STX8: variants seen among roughly 807,000 people sequenced by gnomAD.
STX8 encodes syntaxin 8.
STX8 carries 23 observed loss-of-function variants against 37.5 expected under a neutral mutation model. The ratio of observed to expected loss-of-function variants is 0.61; its 90% confidence interval spans 0.44 to 0.87. STX8 has a LOEUF of 0.87. Ranked by LOEUF, STX8 falls within the 40% of genes least tolerant of loss-of-function variation. The pLI is 0.00. For missense variants in STX8, 313 were observed against 284.7 expected, an observed-to-expected ratio of 1.10 and a Z score of -0.71; for synonymous variants, 115 against 99.1, an observed-to-expected ratio of 1.16 and a Z score of -0.95.
chr17:9,513,086 AAGAC>A (rs562259587), intron 4 of STX8, among the ~76,000 whole-genome samples: 96 of 152,300 alleles, frequency 6.3e-4, no homozygotes, highest in African/African-American at 2.2e-3. Flanking sequence ...ATAGAGTGAA[AAGAC>A]AATCTATAGG....
chr17:9,399,158 C>T lies in STX8; in HGVS notation c.542-20505G>A, dbSNP rs144472451. 3.9e-5 allele frequency among the ~76,000 whole-genome samples: 6 copies of T among 152,054 alleles called. No individual in the cohort carries two copies. In the South Asian group the frequency reaches 8.3e-4, roughly 21 times the overall value. On this transcript the variant is annotated intron_variant, in intron 6 of 7. Coordinates refer to ENST00000306357, the MANE Select transcript of STX8 (RefSeq NM_004853.3). Reference sequence around the variant, plus strand: ...GGTGCAGCAATAGATTCAGGCATGTCGCCAACTGATTTTTCCACTATATAT... The same window carrying T: ...GGTGCAGCAATAGATTCAGGCATGTTGCCAACTGATTTTTCCACTATATAT...
At chr17:9,317,636 G>C (rs914921670) in intron 7 of STX8, among the ~76,000 whole-genome samples, 1 of 152,054 alleles carries the variant, frequency 6.6e-6, no homozygotes, top group Admixed American at 6.6e-5. Flanking sequence ...CATGGTGGCA[G>C]GCACCTGTAG....
intron 2 of STX8, among the ~76,000 whole-genome samples, chr17:9,567,167 A>C (rs1907493988): frequency 1.3e-5 from 2 of 152,196 alleles, no homozygotes; most frequent in African/African-American, 4.8e-5. Flanking sequence ...GGAAGCTGGA[A>C]GGAGGAAGAG....
At chr17:9,487,136 C>A (rs1019827310) in intron 6 of STX8, among the ~76,000 whole-genome samples, 2 of 152,140 alleles carry the variant, frequency 1.3e-5, no homozygotes, top group African/African-American at 4.8e-5. Context: ...CTTTTTAATT[C>A]TCTATGAGGA....
At chr17:9,314,752 C>G (rs1299861561) in intron 7 of STX8, among the ~76,000 whole-genome samples, 1 of 151,398 alleles carries the variant, frequency 6.6e-6, no homozygotes, top group African/African-American at 2.4e-5. Flanking sequence ...TATCCTAAGC[C>G]CCCCAGCCGA....
chr17:9,521,669 G>A (rs1263312544), intron 4 of STX8, among the ~76,000 whole-genome samples: 1 of 152,146 alleles, frequency 6.6e-6, no homozygotes, highest in Non-Finnish European at 1.5e-5. Context: ...AAGTGAACAA[G>A]AGAGACATAA....
intron 7 of STX8, among the ~76,000 whole-genome samples, chr17:9,290,809 G>A (rs1908286182): frequency 6.6e-6 from 1 of 152,184 alleles, no homozygotes; most frequent in Admixed American, 6.5e-5. Flanking sequence ...AAAGGGGAAA[G>A]GCACACATTG....
chr17:9,362,838 A>AAAAAAAAAT (rs1911106863), intron 7 of STX8, among the ~76,000 whole-genome samples: 1 of 146,416 alleles, frequency 6.8e-6, no homozygotes, highest in African/African-American at 2.5e-5. Context: ...CAAAAAAAAA[A>AAAAAAAAAT]AAAAATAAAT....
chr17:9,352,667 T>A (rs1159147023), intron 7 of STX8, among the ~76,000 whole-genome samples: 1 of 151,324 alleles, frequency 6.6e-6, no homozygotes, highest in South Asian at 2.1e-4. Context: ...GCCCGGCTAA[T>A]TTTTTTGTAT....
At chr17:9,347,352 T>C (rs953181027) in intron 7 of STX8, among the ~76,000 whole-genome samples, 1 of 152,162 alleles carries the variant, frequency 6.6e-6, no homozygotes, top group East Asian at 1.9e-4. Context: ...TTATGAAAAG[T>C]AGTACTTGTT....
chr17:9,525,792 C>T (rs1326943584), intron 4 of STX8, among the ~76,000 whole-genome samples: 2 of 152,168 alleles, frequency 1.3e-5, no homozygotes, highest in Non-Finnish European at 2.9e-5. Context: ...CTCTGTACTC[C>T]CTTCTGCTAA....
chr17:9,299,352 C>A (rs1196707770), intron 7 of STX8, among the ~76,000 whole-genome samples: 1 of 151,692 alleles, frequency 6.6e-6, no homozygotes, highest in Non-Finnish European at 1.5e-5. Context: ...ATTTCCCAAG[C>A]AAACCGAGGA....
intron 7 of STX8, among the ~76,000 whole-genome samples, chr17:9,372,023 G>A (rs1037765646): frequency 6.6e-6 from 1 of 152,050 alleles, no homozygotes; most frequent in African/African-American, 2.4e-5. Context: ...TTGGCTCCTA[G>A]CATCCTAGAA....
intron 7 of STX8, among the ~76,000 whole-genome samples, chr17:9,277,014 AT>A (rs10711932): frequency 0.51 from 77,213 of 151,354 alleles, 20,329 homozygotes; most frequent in East Asian, 0.61. Context: ...AAGTGTGATC[AT>A]TAACACACGA....
chr17:9,266,470 C>T (rs189328020), intron 7 of STX8, among the ~76,000 whole-genome samples: 55 of 152,228 alleles, frequency 3.6e-4, no homozygotes, highest in African/African-American at 1.3e-3. Flanking sequence ...ACTTCAGCGC[C>T]GTGCTGGCTG....
rs201550065 is a variant in STX8, at chr17:9,274,744, C to CTTTTTTTT, written c.644-24100_644-24099insAAAAAAAA. Among the ~76,000 whole-genome samples the CTTTTTTTT allele has an allele frequency of 8.3e-4, 74 of 88,896 alleles. 16 individuals carry two copies. The highest frequency in any genetic ancestry group is 6.1e-3 in the East Asian group (15 of 2,452). The allele number at this position is 88,896 out of a possible 152,430, so 58.3% of individuals were successfully genotyped here. ...AAAGTCTTCAAAAATACAACAATTT[C>CTTTTTTTT]TTTTTTCTTTTTTTTTTTTTTTTTT... On this transcript the variant is annotated intron_variant, in intron 7 of 7. Coordinates refer to ENST00000306357, the MANE Select transcript of STX8 (RefSeq NM_004853.3).
At chr17:9,483,239 G>C (rs548423442) in intron 6 of STX8, among the ~76,000 whole-genome samples, 1 of 151,750 alleles carries the variant, frequency 6.6e-6, no homozygotes, top group African/African-American at 2.4e-5. Context: ...CCAGCTTTTA[G>C]AGCTTCATTC....
chr17:9,344,958 T>C (rs992571095), intron 7 of STX8, among the ~76,000 whole-genome samples: 3 of 152,104 alleles, frequency 2.0e-5, no homozygotes, highest in Non-Finnish European at 4.4e-5. Flanking sequence ...CTGGTCAGTG[T>C]TTTAAAAATC....
chr17:9,432,917 G>A (rs1167592796), intron 6 of STX8, among the ~76,000 whole-genome samples: 6 of 152,156 alleles, frequency 3.9e-5, no homozygotes, highest in African/African-American at 1.4e-4. Flanking sequence ...TATAGCTCAG[G>A]TGCAGTTTAG....
Sources: gnomAD v4.1 joint callset for allele counts (sites outside exome capture counted in the v4.1 genomes callset) on GRCh38, gnomAD v4.1.1 for gene constraint, MANE v1.5 for transcripts, NCBI Gene and HGNC (gene_info 2026-07-23, HGNC 2026-07-21) for gene names.